RBFOX1: variants seen among roughly 807,000 people sequenced by gnomAD.
RBFOX1 encodes RNA binding protein fox-1 homolog 1.
In RBFOX1, 8 loss-of-function variants were observed where a neutral mutation model predicts 57.7. The ratio of observed to expected loss-of-function variants is 0.14; its 90% CI spans 0.08 to 0.25. The LOEUF is 0.25. Among genes scored for constraint, RBFOX1 ranks in the 10% least tolerant of loss-of-function variants. The probability of loss-of-function intolerance (pLI) is 1.00; values close to 1 mark genes in which losing one functional copy is unlikely to be tolerated. For missense variants in RBFOX1, 611 were observed against 548.5 expected (o/e 1.11, Z -1.14); for synonymous variants, 326 against 222.4 (o/e 1.47, Z -4.15).
rs188043447 is a variant in RBFOX1, at chr16:6,553,095, G to A, written c.-63-101508G>A. Among the ~76,000 whole-genome samples, 20 of 152,246 alleles carry A rather than the reference G, an allele frequency of 1.3e-4. 1 individual carries two copies. The East Asian group carries it at 1.9e-3, about 15-fold the overall frequency. ...AGCCAGAGTCTCAGTATGTAATCCC[G>A]TGGAAACGTCCCTAGGTAACAGGAT... On this transcript the variant is annotated intron_variant, in intron 2 of 15. Coordinates refer to ENST00000550418, the MANE Select transcript of RBFOX1 (RefSeq NM_018723.4).
At chr16:6,300,214 C>A (rs1157237568) in intron 1 of RBFOX1, among the ~76,000 whole-genome samples, 4 of 152,076 alleles carry the variant, frequency 2.6e-5, no homozygotes. Context: ...GGGAGATGAT[C>A]AAAGGATACA....
chr16:6,556,423 G>A (rs1247952186), intron 2 of RBFOX1, among the ~76,000 whole-genome samples: 1 of 152,088 alleles, frequency 6.6e-6, no homozygotes, highest in Non-Finnish European at 1.5e-5. Context: ...TAAATATTGG[G>A]CACTGTCCTC....
chr16:5,520,636 T>C lies in RBFOX1; in HGVS notation c.258+53382T>C, dbSNP rs117906487. Among the ~76,000 whole-genome samples, 19 of 152,350 alleles carry C rather than the reference T, an allele frequency of 1.2e-4. No homozygotes were observed. In the East Asian group the frequency reaches 2.9e-3, roughly 23 times the overall value. ...AAGGCTATGTGGTAGATTATATTCT[T>C]GATCACATCTATTTGCTCTCTCTTC... is the stretch of plus-strand genomic sequence containing the variant. On this transcript the variant is annotated intron_variant, in intron 2 of 2. Coordinates refer to the RBFOX1 transcript ENST00000585867.
At chr16:6,352,870 CACA>C (rs555601882) in intron 2 of RBFOX1, among the ~76,000 whole-genome samples, 187 of 152,234 alleles carry the variant, frequency 1.2e-3, no homozygotes, top group African/African-American at 4.3e-3. Flanking sequence ...TGCTCGCAAA[CACA>C]ACATGCATCA....
chr16:7,591,062 G>T (rs1406883490), intron 7 of RBFOX1, among the ~76,000 whole-genome samples: 1 of 152,120 alleles, frequency 6.6e-6, no homozygotes, highest in East Asian at 1.9e-4. Context: ...GGTGATGGGA[G>T]AGGCCACTGA....
At chr16:5,500,110 TC>T (rs1435984709) in intron 2 of RBFOX1, among the ~76,000 whole-genome samples, 10 of 84,030 alleles carry the variant, frequency 1.2e-4, no homozygotes, top group Admixed American at 6.4e-4. Context: ...CTCCCTTCCC[TC>T]CCTTCCCTCC....
At chr16:5,645,955 G>T (rs942490529) in intron 3 of RBFOX1, among the ~76,000 whole-genome samples, 1 of 151,618 alleles carries the variant, frequency 6.6e-6, no homozygotes, top group Non-Finnish European at 1.5e-5. Context: ...CCTGCCCCAG[G>T]CTCCTGAGTG....
chr16:5,656,668 A>G (rs1456972770), intron 3 of RBFOX1, among the ~76,000 whole-genome samples: 4 of 152,232 alleles, frequency 2.6e-5, no homozygotes, highest in Non-Finnish European at 5.9e-5. Flanking sequence ...TCTTATAGCC[A>G]TACCCAAGGA....
rs1367855869 is a variant in RBFOX1 at position 6,732,265 on chromosome 16, C to G, written c.-16+77615C>G. On this transcript the variant is annotated intron_variant, in intron 3 of 15. Coordinates refer to ENST00000550418, the MANE Select transcript of RBFOX1 (RefSeq NM_018723.4). ...TGGATTACAGTGGTGTTAGATGTGG[C>G]CAAGAATCCACAGTGAAATTCCAGC... Among the ~76,000 whole-genome samples, 3 of 152,184 alleles carry G rather than the reference C, an allele frequency of 2.0e-5. No homozygotes were observed. In the East Asian group the frequency reaches 5.8e-4, roughly 29 times the overall value.
chr16:5,596,733 G>T (rs556751419), intron 2 of RBFOX1, among the ~76,000 whole-genome samples: 1 of 152,328 alleles, frequency 6.6e-6, no homozygotes, highest in African/African-American at 2.4e-5. Flanking sequence ...AGTGACAAAA[G>T]CCAGACATTC....
At chr16:6,986,213 T>TTTATTTAC (rs2090238532) in intron 3 of RBFOX1, among the ~76,000 whole-genome samples, 1 of 151,670 alleles carries the variant, frequency 6.6e-6, no homozygotes, top group Non-Finnish European at 1.5e-5. Flanking sequence ...TATTTATTTA[T>TTTATTTAC]TTTCTGAGAC....
intron 2 of RBFOX1, among the ~76,000 whole-genome samples, chr16:5,578,019 T>C (rs2046527321): frequency 6.6e-6 from 1 of 152,212 alleles, no homozygotes; most frequent in Non-Finnish European, 1.5e-5. Flanking sequence ...TGGTGTGATC[T>C]TGGCTCACTG....
At chr16:5,278,488 T>C (rs1161577774) in intron 1 of RBFOX1, among the ~76,000 whole-genome samples, 4 of 152,238 alleles carry the variant, frequency 2.6e-5, no homozygotes, top group Non-Finnish European at 4.4e-5. Flanking sequence ...TTTATAGTTA[T>C]GGGTTTTACA....
At chr16:6,892,738 G>A (rs2065767792) in intron 3 of RBFOX1, among the ~76,000 whole-genome samples, 1 of 148,912 alleles carries the variant, frequency 6.7e-6, no homozygotes, top group Non-Finnish European at 1.5e-5. Flanking sequence ...GGAAGCAGAA[G>A]TATCAGAAAT....
chr16:7,363,665 C>G (rs1427521954), intron 4 of RBFOX1, among the ~76,000 whole-genome samples: 1 of 152,124 alleles, frequency 6.6e-6, no homozygotes. Flanking sequence ...CATCAGATCC[C>G]TTTTGCTGGC....
At chr16:5,482,792 C>T (rs1443259107) in intron 2 of RBFOX1, among the ~76,000 whole-genome samples, 3 of 152,108 alleles carry the variant, frequency 2.0e-5, no homozygotes, top group Non-Finnish European at 2.9e-5. Flanking sequence ...TCTGGGCAAA[C>T]GGCTTTTCCT....
chr16:5,638,281 AC>A (rs2048751916), intron 3 of RBFOX1, among the ~76,000 whole-genome samples: 1 of 152,162 alleles, frequency 6.6e-6, no homozygotes, highest in Non-Finnish European at 1.5e-5. Context: ...CTGGGGTCCA[AC>A]CCACACATTC....
chr16:6,640,067 C>G (rs1022724246), intron 2 of RBFOX1, among the ~76,000 whole-genome samples: 1 of 151,982 alleles, frequency 6.6e-6, no homozygotes, highest in Non-Finnish European at 1.5e-5. Flanking sequence ...TAAGTTGCTG[C>G]GAAAAGCCAT....
chr16:6,838,359 C>T (rs1013547070), intron 3 of RBFOX1, among the ~76,000 whole-genome samples: 11 of 152,152 alleles, frequency 7.2e-5, no homozygotes, highest in African/African-American at 2.4e-4. Context: ...ACCATTAACT[C>T]ATTCTTTTTT....
Sources: allele counts gnomAD v4.1 joint callset (sites outside exome capture counted in the v4.1 genomes callset), GRCh38; gene constraint gnomAD v4.1.1; transcripts MANE v1.5; gene names NCBI Gene and HGNC (gene_info 2026-07-23, HGNC 2026-07-21).